Variants in RERE observed in about 807,000 individuals in gnomAD.
RERE encodes the protein arginine-glutamic acid dipeptide repeats, also known as arginine-glutamic acid dipeptide repeats protein.
Under a neutral mutation model 146.1 loss-of-function variants are expected in RERE, and 40 were observed. That is an observed-to-expected ratio of 0.27 (90% CI 0.21 to 0.36). The LOEUF (loss-of-function observed/expected upper bound fraction) is 0.36, where lower values mean the gene tolerates loss of function less well. Ranked by LOEUF, RERE falls within the 10% of genes least tolerant of loss-of-function variation. The probability of loss-of-function intolerance (pLI) is 1.00; values close to 1 mark genes in which losing one functional copy is unlikely to be tolerated. For missense variants in RERE, 1,933 were observed against 2,138.7 expected (o/e 0.90, Z 1.90); for synonymous variants, 1,003 against 866.0 (o/e 1.16, Z -2.78).
intron 4 of RERE, among the ~76,000 whole-genome samples, chr1:8,605,850 T>TTTG (rs934574876): frequency 1.4e-5 from 2 of 139,804 alleles, no homozygotes; most frequent in African/African-American, 5.3e-5. Flanking sequence ...CCAAACTTTT[T>TTTG]TTTTTTTTTT....
At chr1:8,480,929 TA>T (rs1644826046) in intron 10 of RERE, among the ~76,000 whole-genome samples, 1 of 152,186 alleles carries the variant, frequency 6.6e-6, no homozygotes, top group Non-Finnish European at 1.5e-5. Context: ...AATCATCTGA[TA>T]AAGAAGTTTC....
chr1:8,514,395 G>A (rs931297996), intron 7 of RERE, among the ~76,000 whole-genome samples: 3 of 152,186 alleles, frequency 2.0e-5, no homozygotes, highest in African/African-American at 7.2e-5. Flanking sequence ...TTGGTATAGG[G>A]CAGAAGACTT....
At position 8,360,483 on chromosome 1, in the gene RERE, G is replaced by T; in HGVS notation, c.3024C>A (p.Thr1008=). The change falls in exon 18 of 23, where the codon ACC becomes ACA. Residue 1008 remains threonine, a synonymous_variant. Transcript: ENST00000400908. Reference sequence around the variant, plus strand: ...GGGGCGGGGGCAGGTTCTGGCTCTGGGTCAGCCCGGGGGGCTGGGCGGGCG... The same window carrying T: ...GGGGCGGGGGCAGGTTCTGGCTCTGTGTCAGCCCGGGGGGCTGGGCGGGCG... ...PSSPAQPPGL[T]QSQNLPPPPA... is the part of the protein sequence containing the mutation. 1 of 1,346,136 alleles carries T rather than the reference G, an allele frequency of 7.4e-7. No individual in the cohort carries two copies. Among genetic ancestry groups the T allele is most frequent in the Non-Finnish European group, 9.7e-7 (1 of 1,026,636 alleles). 83.4% of individuals were successfully genotyped at this position (1,346,136 alleles called of 1,614,324 possible). A position where few individuals can be genotyped will look rare whatever the true frequency, so the allele number is the denominator to read the frequency against.
chr1:8,743,240 T>A (rs1030878463), intron 1 of RERE, among the ~76,000 whole-genome samples: 1 of 151,716 alleles, frequency 6.6e-6, no homozygotes, highest in Admixed American at 6.6e-5. Flanking sequence ...TACAAAAAAA[T>A]TTTAAAAATT....
intron 1 of RERE, among the ~76,000 whole-genome samples, chr1:8,728,522 AG>A (rs1640017185): frequency 6.6e-6 from 1 of 151,886 alleles, no homozygotes; most frequent in African/African-American, 2.4e-5. Flanking sequence ...TATTCTTTTT[AG>A]GGGATTAGTA....
At chr1:8,597,785 A>AT (rs34291282) in intron 4 of RERE, among the ~76,000 whole-genome samples, 67 of 150,212 alleles carry the variant, frequency 4.5e-4, no homozygotes, top group Admixed American at 1.1e-3. Flanking sequence ...ATTTCACTGG[A>AT]TTTTTTTTTT....
chr1:8,529,706 T>A (rs898399507), intron 7 of RERE, among the ~76,000 whole-genome samples: 30 of 152,080 alleles, frequency 2.0e-4, no homozygotes, highest in Middle Eastern at 3.4e-3. Context: ...AGAAGTCAAT[T>A]AACACCCAGC....
At chr1:8,761,635 C>T (rs916304499) in intron 1 of RERE, among the ~76,000 whole-genome samples, 6 of 152,042 alleles carry the variant, frequency 3.9e-5, no homozygotes, top group Non-Finnish European at 7.4e-5. Flanking sequence ...GTTAGATTCT[C>T]GGCCGGGCAT....
At chr1:8,644,146 T>C (rs763713887) in intron 2 of RERE, among the ~76,000 whole-genome samples, 14 of 152,236 alleles carry the variant, frequency 9.2e-5, no homozygotes, top group Non-Finnish European at 5.9e-5. Flanking sequence ...CCCAAGCTCA[T>C]TGTGGGGAAT....
intron 15 of RERE, 54 bp from the exon 16 acceptor site, chr1:8,362,898 C>T (rs1641645440): frequency 6.4e-7 from 1 of 1,560,986 alleles, no homozygotes; most frequent in Non-Finnish European, 8.7e-7. Flanking sequence ...CCCATGTGGA[C>T]CCACCTGAGC....
chr1:8,680,676 T>C (rs1638944364), intron 1 of RERE, among the ~76,000 whole-genome samples: 1 of 152,142 alleles, frequency 6.6e-6, no homozygotes, highest in African/African-American at 2.4e-5. Context: ...AAGTAACATC[T>C]ATGTTTAAAT....
intron 1 of RERE, among the ~76,000 whole-genome samples, chr1:8,657,800 TC>T (rs1638357061): frequency 6.6e-6 from 1 of 151,466 alleles, no homozygotes; most frequent in Non-Finnish European, 1.5e-5. Context: ...TGAGCCGAGA[TC>T]ACACCACTGC....
intron 12 of RERE, among the ~76,000 whole-genome samples, chr1:8,403,801 C>T (rs1187664971): frequency 3.1e-5 from 3 of 95,980 alleles, no homozygotes; most frequent in Non-Finnish European, 6.9e-5. Flanking sequence ...TATTCTTTTT[C>T]TATTTTTCTT....
chr1:8,721,565 C>T (rs1027250745), intron 1 of RERE, among the ~76,000 whole-genome samples: 3 of 152,104 alleles, frequency 2.0e-5, no homozygotes, highest in Admixed American at 6.6e-5. Flanking sequence ...CTGCCTGCCT[C>T]AGCCTCCCAA....
intron 7 of RERE, among the ~76,000 whole-genome samples, chr1:8,536,546 G>A (rs1645729964): frequency 6.6e-6 from 1 of 152,224 alleles, no homozygotes; most frequent in South Asian, 2.1e-4. Flanking sequence ...TTAGCCAAAT[G>A]CACCTAAGGC....
intron 1 of RERE, among the ~76,000 whole-genome samples, chr1:8,716,747 A>T (rs1639772861): frequency 1.3e-5 from 2 of 152,102 alleles, no homozygotes; most frequent in Admixed American, 1.3e-4. Flanking sequence ...TTTAAAAAAA[A>T]TTCACTAACC....
intron 1 of RERE, among the ~76,000 whole-genome samples, chr1:8,787,605 C>A (rs573212335): frequency 6.6e-6 from 1 of 151,880 alleles, no homozygotes; most frequent in African/African-American, 2.4e-5. Context: ...CCAAGGCAGG[C>A]GGATCACCTG....
At position 8,466,071 on chromosome 1, in the gene RERE, A is replaced by G. The variant is rs755742198; in HGVS notation, c.1105-48T>C. On this transcript the variant is annotated intron_variant, in intron 10 of 22. Transcript: ENST00000400908. ...TAGCTAACTGCACCAAATAACAGAC[A>G]GGACACAATCGATCCAAGGCAAGCT... 2.0e-5 allele frequency: 30 copies of G among 1,497,856 alleles called. 1 individual carries two copies. In the Middle Eastern group the frequency reaches 7.4e-4, roughly 37 times the overall value. 92.8% of individuals were successfully genotyped at this position (1,497,856 alleles called of 1,614,324 possible).
At chr1:8,531,007 T>TTCCA (rs1553180795) in intron 7 of RERE, among the ~76,000 whole-genome samples, 3 of 140,238 alleles carry the variant, frequency 2.1e-5, no homozygotes, top group African/African-American at 5.4e-5. Flanking sequence ...GAACTGAGTT[T>TTCCA]TCTATCTATC....
Sources: allele counts gnomAD v4.1 joint callset (sites outside exome capture counted in the v4.1 genomes callset), GRCh38; gene constraint gnomAD v4.1.1; transcripts MANE v1.5; gene names NCBI Gene and HGNC (gene_info 2026-07-23, HGNC 2026-07-21).